Variants in PEMT observed in about 807,000 individuals in gnomAD.
PEMT encodes the protein phosphatidylethanolamine N-methyltransferase.
PEMT carries 23 observed loss-of-function variants against 27.4 expected under a neutral mutation model. The observed-to-expected ratio is 0.84, with a 90% CI of 0.60 to 1.19. The LOEUF (loss-of-function observed/expected upper bound fraction) is 1.19, where lower values mean the gene tolerates loss of function less well. Among genes scored for constraint, PEMT ranks in the 50% most tolerant of loss-of-function variants. PEMT has a pLI of 0.00. For synonymous variants in PEMT, 137 were observed against 139.1 expected, an observed-to-expected ratio of 0.98 and a Z score of 0.11; for missense variants, 307 against 310.1, an observed-to-expected ratio of 0.99 and a Z score of 0.07.
chr17:17,521,566 A>ATTT, intron 3 of PEMT, among the ~76,000 whole-genome samples: 1 of 148,214 alleles, frequency 6.7e-6, no homozygotes, highest in African/African-American at 2.5e-5. Flanking sequence ...CTTTCTTTTA[A>ATTT]AAAAAAAAAA....
intron 1 of PEMT, among the ~76,000 whole-genome samples, chr17:17,577,620 C>T (rs1911697829): frequency 6.7e-6 from 1 of 149,982 alleles, no homozygotes; most frequent in Non-Finnish European, 1.5e-5. Flanking sequence ...ATGAAAACGT[C>T]AGGAACAATG....
chr17:17,514,938 AGGTGTGCCTTAGAGTCTGGG>A (rs1906706293), intron 3 of PEMT, among the ~76,000 whole-genome samples: 1 of 152,188 alleles, frequency 6.6e-6, no homozygotes, highest in South Asian at 2.1e-4. Context: ...AATAGCAGGG[AGGTGTGCCTTAGAGTCTGGG>A]GCAGGGCATG....
At chr17:17,510,820 G>A (rs565839554) in intron 4 of PEMT, among the ~76,000 whole-genome samples, 2 of 152,172 alleles carry the variant, frequency 1.3e-5, no homozygotes, top group South Asian at 2.1e-4. Context: ...CTCTCCTTAC[G>A]CTGCCTCTGC....
chr17:17,508,967 G>A (rs752943038), intron 5 of PEMT: 5 of 290,456 alleles, frequency 1.7e-5, no homozygotes, highest in Non-Finnish European at 2.1e-5. Flanking sequence ...ACAAGGGTCC[G>A]CAAACTACGG....
chr17:17,518,246 C>G (rs1209433739), intron 3 of PEMT: 1 of 793,980 alleles, frequency 1.3e-6, no homozygotes, highest in Non-Finnish European at 1.5e-6. Context: ...GCAGCCCAGT[C>G]CTGTGAAGCC....
chr17:17,589,698 G>A lies in PEMT; in HGVS notation c.96+1833C>T, dbSNP rs1912497070. Among the ~76,000 whole-genome samples, 5 of 152,296 alleles carry A rather than the reference G, an allele frequency of 3.3e-5. No homozygotes were observed. In the South Asian group the frequency reaches 1.0e-3, roughly 32 times the overall value. ...CAGGGACTGACATATTTTAAAACCG[G>A]AGATTTTGATTGAGGAGGGAGTAGA... On this transcript the variant is annotated intron_variant, in intron 1 of 6. Transcript: ENST00000255389.
At chr17:17,506,168 G>A (rs1284210961) in intron 6 of PEMT, 59 bp downstream of exon 6, 2 of 1,361,070 alleles carry the variant, frequency 1.5e-6, no homozygotes, top group Admixed American at 2.0e-5. Context: ...AAAGGTTCTA[G>A]AGGGAGAGAC....
At position 17,509,300 on chromosome 17, in the gene PEMT, C is replaced by T. The variant is rs70965413; in HGVS notation, c.578+134G>A. 1,455 of 621,434 alleles carry T rather than the reference C, an allele frequency of 2.3e-3. 6 individuals carry two copies. Among genetic ancestry groups the T allele is most frequent in the Admixed American group, 4.2e-3 (143 of 34,186 alleles). The allele number at this position is 621,434 out of a possible 1,614,324, so 38.5% of individuals were successfully genotyped here. On this transcript the variant is annotated intron_variant, in intron 5 of 6. Transcript: ENST00000255389. The stretch of plus-strand genomic sequence containing the variant: ...GCTTCTGAGAAAGGGAGAACCAGGG[C>T]GCCTAGGCCCCCACAAATGACACGT...
At chr17:17,560,992 T>C (rs940595640) in intron 2 of PEMT, among the ~76,000 whole-genome samples, 1 of 152,016 alleles carries the variant, frequency 6.6e-6, no homozygotes, top group African/African-American at 2.4e-5. Flanking sequence ...ATGTGTGCAG[T>C]GTGACTGAAG....
At chr17:17,541,854 G>A (rs1908909924) in intron 2 of PEMT, among the ~76,000 whole-genome samples, 1 of 152,184 alleles carries the variant, frequency 6.6e-6, no homozygotes, top group Non-Finnish European at 1.5e-5. Context: ...GCTACCCCTG[G>A]CCCCAAGGCT....
chr17:17,546,961 T>C (rs1395601993), intron 2 of PEMT, among the ~76,000 whole-genome samples: 1 of 152,228 alleles, frequency 6.6e-6, no homozygotes, highest in Non-Finnish European at 1.5e-5. Context: ...GACTGCAGGA[T>C]GAAGCTGCCC....
At chr17:17,538,139 A>C (rs1288419086) in intron 2 of PEMT, among the ~76,000 whole-genome samples, 1 of 152,212 alleles carries the variant, frequency 6.6e-6, no homozygotes, top group African/African-American at 2.4e-5. Context: ...AGTGACCTGC[A>C]GGCCCCACGA....
intron 2 of PEMT, among the ~76,000 whole-genome samples, chr17:17,527,689 G>A (rs1261914474): frequency 6.6e-6 from 1 of 152,218 alleles, no homozygotes; most frequent in Non-Finnish European, 1.5e-5. Flanking sequence ...TTTGGAATGG[G>A]CAAAAGGGTG....
intron 1 of PEMT, 75 bp downstream of exon 1, chr17:17,591,456 G>T: frequency 8.1e-7 from 1 of 1,238,374 alleles, no homozygotes; most frequent in Non-Finnish European, 1.1e-6. Context: ...CGTTTGAGGC[G>T]CCGCAAGCCT....
At chr17:17,545,599 T>C (rs1909203027) in intron 2 of PEMT, among the ~76,000 whole-genome samples, 1 of 152,250 alleles carries the variant, frequency 6.6e-6, no homozygotes, top group African/African-American at 2.4e-5. Context: ...CGGCCTCCTC[T>C]GCTCTTTCTG....
At chr17:17,510,541 GA>G (rs776300310) in intron 4 of PEMT, among the ~76,000 whole-genome samples, 11 of 152,218 alleles carry the variant, frequency 7.2e-5, no homozygotes, top group Non-Finnish European at 1.2e-4. Context: ...AGGACCACTG[GA>G]AAGTTCTTTC....
At chr17:17,540,855 A>C (rs1208395590) in intron 2 of PEMT, among the ~76,000 whole-genome samples, 1 of 152,192 alleles carries the variant, frequency 6.6e-6, no homozygotes, top group Non-Finnish European at 1.5e-5. Flanking sequence ...CTCCCCTGTG[A>C]GCACCTCAAG....
At chr17:17,530,116 T>C (rs550640137) in intron 2 of PEMT, among the ~76,000 whole-genome samples, 4 of 152,350 alleles carry the variant, frequency 2.6e-5, no homozygotes, top group African/African-American at 7.2e-5. Context: ...TCAAAATTAT[T>C]ACCTACAGGT....
intron 3 of PEMT, among the ~76,000 whole-genome samples, chr17:17,517,120 C>T (rs185802625): frequency 1.7e-4 from 26 of 152,296 alleles, no homozygotes; most frequent in African/African-American, 4.8e-4. Flanking sequence ...GCCAGCAACC[C>T]GAAAGAGTGG....
Sources: gnomAD v4.1 joint callset for allele counts (sites outside exome capture counted in the v4.1 genomes callset) on GRCh38, gnomAD v4.1.1 for gene constraint, MANE v1.5 for transcripts, NCBI Gene and HGNC (gene_info 2026-07-23, HGNC 2026-07-21) for gene names.